The following LRIG2 variants were observed in gnomAD, a reference collection of about 807,000 sequenced individuals.
The protein encoded by LRIG2 is leucine-rich repeats and immunoglobulin-like domains protein 2.
In LRIG2, 93 loss-of-function variants were observed where a neutral mutation model predicts 107.8. That is an observed-to-expected ratio of 0.86 (90% CI 0.73 to 1.03). LRIG2 has a LOEUF of 1.03. LRIG2 is among the 50% of genes least tolerant of loss of function. The pLI is 0.00. For missense variants in LRIG2, 1,226 were observed against 1,296.0 expected, an observed-to-expected ratio of 0.95 and a Z score of 0.83; for synonymous variants, 471 against 470.6, an observed-to-expected ratio of 1.00 and a Z score of -0.01.
chr1:113,074,946 G>A (rs113271595), intron 1 of LRIG2, among the ~76,000 whole-genome samples: 20 of 151,632 alleles, frequency 1.3e-4, no homozygotes, highest in Admixed American at 4.6e-4. Context: ...GGCCGGGTGC[G>A]GTGGCTCACG....
rs1654597649 is a variant in LRIG2, at chr1:113,107,708, G to T, written c.1428G>T (p.Trp476Cys). The T allele has an allele frequency of 1.2e-6, 2 of 1,613,132 alleles. No homozygotes were observed. The highest frequency in any genetic ancestry group is 2.7e-5 in the African/African-American group (2 of 74,842). Reference sequence around the variant, plus strand: ...ATGTAAGCTGTGCACACCCTGAATGGCTAGCAGGGCAAAGCATCCTGAATG... The same window carrying T: ...ATGTAAGCTGTGCACACCCTGAATGTCTAGCAGGGCAAAGCATCCTGAATG... ...SVNVSCAHPE[W>C]LAGQSILNVD... is the part of the protein sequence containing the mutation. Residue 476 changes from tryptophan to cysteine, a missense_variant, in exon 12 of 18, where the codon TGG (tryptophan) becomes TGT (cysteine). Around this residue, in one of 3 missense-constraint regions of LRIG2, gnomAD observed 14 missense variants for 33.6 expected, o/e 0.42. Transcript: ENST00000361127.
In LRIG2 at chr1:113,124,353, C is replaced by A; in HGVS notation, c.*252C>A. 1.9e-6 allele frequency: 1 copy of A among 521,236 alleles called. No individual in the cohort carries two copies. The highest frequency in any genetic ancestry group is 3.5e-6 in the Non-Finnish European group (1 of 287,876). The allele number at this position is 521,236 out of a possible 1,614,324, so 32.3% of individuals were successfully genotyped here. The stretch of plus-strand genomic sequence containing the variant: ...AGAGGGAAGATACGGGGCAAATGTG[C>A]TTCCTGATGCTTCCATGGGGATGTG... On this transcript the variant is annotated 3_prime_UTR_variant, in exon 18 of 18. Coordinates refer to ENST00000361127, the MANE Select transcript of LRIG2 (RefSeq NM_014813.3).
At chr1:113,090,763 G>A (rs562116973) in intron 1 of LRIG2, among the ~76,000 whole-genome samples, 313 of 151,254 alleles carry the variant, frequency 2.1e-3, no homozygotes, top group East Asian at 0.016. Flanking sequence ...GCGTGAACCC[G>A]GGAGGCGGAG....
chr1:113,130,716 A>G lies in LRIG2; in HGVS notation c.*6615A>G, dbSNP rs1247818494. The G allele has an allele frequency of 2.6e-5, 4 of 152,192 alleles. No homozygotes were observed. The highest frequency in any genetic ancestry group is 9.7e-5 in the African/African-American group (4 of 41,442). 9.4% of individuals were successfully genotyped at this position (152,192 alleles called of 1,614,324 possible). A position where few individuals can be genotyped will look rare whatever the true frequency, so the allele number is the denominator to read the frequency against. ...TAGTCTTAAAACTTTGTCCTTTCTA[A>G]GTCCTTTGTATTCATTTTAGAGCTC... On this transcript the variant is annotated 3_prime_UTR_variant, in exon 18 of 18. Transcript: ENST00000361127.
intron 2 of LRIG2, 118 bp downstream of exon 2, chr1:113,091,501 T>A: frequency 1.7e-6 from 1 of 603,326 alleles, no homozygotes; most frequent in Non-Finnish European, 2.8e-6. Flanking sequence ...AAAAATTAGT[T>A]AAAAGAAATT....
At position 113,119,531 on chromosome 1, in the gene LRIG2, A is replaced by T. The variant is rs747919495; in HGVS notation, c.2971+8A>T. ...CCACACAGATGAGCGGTGGTAAGGGATGTATTTTTGTTGTTATTTTGTTTT... is the reference window on the plus strand; with the variant it reads ...CCACACAGATGAGCGGTGGTAAGGGTTGTATTTTTGTTGTTATTTTGTTTT... On this transcript the variant is annotated splice_region_variant and intron_variant, in intron 17 of 17. Coordinates refer to ENST00000361127, the MANE Select transcript of LRIG2 (RefSeq NM_014813.3). 6.2e-7 allele frequency: 1 copy of T among 1,609,818 alleles called. No homozygotes were observed. Among genetic ancestry groups the T allele is most frequent in the African/African-American group, 1.3e-5 (1 of 74,580 alleles).
In LRIG2 at chr1:113,091,311, C is replaced by G; in HGVS notation, c.240-7C>G. ...TAAACTAAGAATGATATTTTGTCCTCTTTCAGGGATTTCAGTCATAATCGG... is the reference window on the plus strand; with the variant it reads ...TAAACTAAGAATGATATTTTGTCCTGTTTCAGGGATTTCAGTCATAATCGG... On this transcript the variant is annotated splice_polypyrimidine_tract_variant and splice_region_variant and intron_variant, in intron 1 of 17. Transcript: ENST00000361127. 2 of 1,586,548 alleles carry G rather than the reference C, an allele frequency of 1.3e-6. No individual in the cohort carries two copies. Among genetic ancestry groups the G allele is most frequent in the Non-Finnish European group, 1.7e-6 (2 of 1,159,542 alleles).
intron 1 of LRIG2, among the ~76,000 whole-genome samples, chr1:113,079,117 G>A (rs952466872): frequency 2.0e-5 from 3 of 152,000 alleles, no homozygotes; most frequent in East Asian, 3.9e-4. Context: ...AGCTGAGGCC[G>A]GCTGATCACT....
chr1:113,109,512 G>C lies in LRIG2; in HGVS notation c.1478-730G>C, dbSNP rs116580554. On this transcript the variant is annotated intron_variant, in intron 12 of 17. Transcript: ENST00000361127. The stretch of plus-strand genomic sequence containing the variant: ...TTATATTGGCACAGAAAGGATAATG[G>C]TTATATATATACATATATTTTTTGA... 2.6e-5 allele frequency among the ~76,000 whole-genome samples: 4 copies of C among 152,186 alleles called. No individual in the cohort carries two copies. The South Asian group carries it at 8.3e-4, about 32-fold the overall frequency.
chr1:113,121,502 G>A (rs1397468289), intron 17 of LRIG2, among the ~76,000 whole-genome samples: 2 of 152,050 alleles, frequency 1.3e-5, no homozygotes, highest in Non-Finnish European at 2.9e-5. Context: ...CCAGCACTTT[G>A]GGAGGCTGAC....
chr1:113,083,344 A>C (rs1482876853), intron 1 of LRIG2, among the ~76,000 whole-genome samples: 6 of 54,386 alleles, frequency 1.1e-4, no homozygotes, highest in East Asian at 7.6e-4. Context: ...CTGGCTGCTC[A>C]CTTTTTTTTT....
intron 15 of LRIG2, 129 bp from the exon 16 acceptor site, chr1:113,116,158 C>A: frequency 1.7e-6 from 1 of 585,634 alleles, no homozygotes; most frequent in Non-Finnish European, 3.0e-6. Flanking sequence ...GTACCAAGAG[C>A]TGTTGCGGTC....
chr1:113,126,942 G>A lies in LRIG2; in HGVS notation c.*2841G>A, dbSNP rs987668876. ...GCCACATCCATCTTCTTCATTGTCA[G>A]AATCTGAGTTTTCTGTCTTGAAGAA... On this transcript the variant is annotated 3_prime_UTR_variant, in exon 18 of 18. Coordinates refer to ENST00000361127, the MANE Select transcript of LRIG2 (RefSeq NM_014813.3). 6.5e-6 allele frequency: 1 copy of A among 154,538 alleles called. No individual in the cohort carries two copies. The highest frequency in any genetic ancestry group is 1.5e-5 in the Non-Finnish European group (1 of 68,046). The allele number at this position is 154,538 out of a possible 1,614,324, so 9.6% of individuals were successfully genotyped here. A position where few individuals can be genotyped will look rare whatever the true frequency, so the allele number is the denominator to read the frequency against.
chr1:113,110,174 T>C (rs1364125700), intron 12 of LRIG2, 68 bp from the exon 13 acceptor site: 21 of 1,142,160 alleles, frequency 1.8e-5, no homozygotes, highest in Non-Finnish European at 2.4e-5. Context: ...TTATAGTATT[T>C]TTTAAAATTG....
rs375298583 is a variant in LRIG2 at position 113,094,414 on chromosome 1, A to T, written c.591A>T (p.Val197=). The T allele has an allele frequency of 1.2e-6, 2 of 1,613,354 alleles. No homozygotes were observed. Among genetic ancestry groups the T allele is most frequent in the African/African-American group, 2.7e-5 (2 of 74,914 alleles). ...ATTTATCAAGTTCCTTATTAGTGGT[A>T]AAGTTAAACCGTAACCGAATGAGCA... is the stretch of plus-strand genomic sequence containing the variant. ...FDNLSSSLLV[V]KLNRNRMSMI... Residue 197 remains valine (V), a synonymous_variant, in exon 5 of 18, where the codon GTA becomes GTT. Coordinates refer to ENST00000361127, the MANE Select transcript of LRIG2 (RefSeq NM_014813.3).
intron 2 of LRIG2, among the ~76,000 whole-genome samples, chr1:113,092,568 T>TGTTC (rs56255104): frequency 5.9e-5 from 9 of 151,896 alleles, no homozygotes; most frequent in African/African-American, 2.2e-4. Context: ...ATGCCTTCTT[T>TGTTC]AAGGACTCAA....
chr1:113,114,683 T>G lies in LRIG2; in HGVS notation c.2337T>G (p.Ile779Met). Residue 779 changes from isoleucine to methionine, a missense_variant, in exon 15 of 18, where the codon ATT becomes ATG. Ile to Met is a conservative substitution (Grantham distance 10). Coordinates refer to ENST00000361127, the MANE Select transcript of LRIG2 (RefSeq NM_014813.3). Reference sequence around the variant, plus strand: ...CCCTTGGGACAGAACGTGGCCACATTTACCTAAATGTCATTTCATCCCCCA... The same window carrying G: ...CCCTTGGGACAGAACGTGGCCACATGTACCTAAATGTCATTTCATCCCCCA... The part of the protein sequence containing the change: ...SNTLGTERGH[I>M]YLNVISSPNC... 6.2e-7 allele frequency: 1 copy of G among 1,614,130 alleles called. No individual in the cohort carries two copies. The highest frequency in any genetic ancestry group is 2.2e-5 in the East Asian group (1 of 44,878).
At chr1:113,110,184 G>T in intron 12 of LRIG2, 58 bp from the exon 13 acceptor site, 1 of 1,246,654 alleles carries the variant, frequency 8.0e-7, no homozygotes, top group Non-Finnish European at 1.1e-6. Flanking sequence ...TTTTAAAATT[G>T]AATCTAAAGC....
At chr1:113,076,103 T>A (rs559332321) in intron 1 of LRIG2, among the ~76,000 whole-genome samples, 1 of 152,090 alleles carries the variant, frequency 6.6e-6, no homozygotes, top group African/African-American at 2.4e-5. Flanking sequence ...CCTCCTGGGT[T>A]CCAGTGATTC....
Sources: gnomAD v4.1 joint callset for allele counts (sites outside exome capture counted in the v4.1 genomes callset) on GRCh38, gnomAD v4.1.1 for gene constraint, gnomAD v4.1.1 regional missense constraint, MANE v1.5 for transcripts, NCBI Gene and HGNC (gene_info 2026-07-23, HGNC 2026-07-21) for gene names.